MRPS6: variants seen among roughly 807,000 people sequenced by gnomAD.
MRPS6 encodes the protein small ribosomal subunit protein bS6m.
A neutral mutation model predicts 13.1 loss-of-function variants in MRPS6; 6 were observed. The observed-to-expected ratio is 0.46, with a 90% CI of 0.25 to 0.91. The LOEUF is 0.91. Ranked by LOEUF, MRPS6 falls within the 40% of genes least tolerant of loss-of-function variation. The pLI is 0.18. For synonymous variants in MRPS6, 61 were observed against 56.5 expected (o/e 1.08, Z -0.36); for missense variants, 164 against 155.6 (o/e 1.05, Z -0.29).
chr21:34,107,544 C>T (rs1441041651), intron 1 of MRPS6, among the ~76,000 whole-genome samples: 1 of 152,166 alleles, frequency 6.6e-6, no homozygotes, highest in Non-Finnish European at 1.5e-5. Flanking sequence ...TATTTCTCAT[C>T]AAACTTGAAC....
At chr21:34,140,429 C>T (rs1024212115) in intron 2 of MRPS6, among the ~76,000 whole-genome samples, 2 of 152,040 alleles carry the variant, frequency 1.3e-5, no homozygotes, top group African/African-American at 4.8e-5. Flanking sequence ...AGGCATTTTT[C>T]GAAGATTTTT....
intron 1 of MRPS6, among the ~76,000 whole-genome samples, chr21:34,077,882 T>G (rs1255074569): frequency 5.3e-5 from 8 of 152,182 alleles, no homozygotes; most frequent in Non-Finnish European, 7.3e-5. Flanking sequence ...CTTTTTTGAT[T>G]AGAACACCTG....
chr21:34,074,975 C>T (rs1989291644), intron 1 of MRPS6, among the ~76,000 whole-genome samples: 1 of 152,210 alleles, frequency 6.6e-6, no homozygotes, highest in Non-Finnish European at 1.5e-5. Flanking sequence ...TTGTGTCCCC[C>T]AGCTTGTTCT....
At chr21:34,135,842 C>T in intron 2 of MRPS6, 1 of 558,574 alleles carries the variant, frequency 1.8e-6, no homozygotes, top group Non-Finnish European at 3.4e-6. Context: ...GTGAGGGACT[C>T]CACAATGGGG....
intron 1 of MRPS6, among the ~76,000 whole-genome samples, chr21:34,109,130 C>CT (rs1005799558): frequency 3.3e-5 from 5 of 152,048 alleles, no homozygotes; most frequent in African/African-American, 1.2e-4. Context: ...TTCCTGAAAT[C>CT]TTTTTTTATA....
At chr21:34,106,919 G>A (rs1602943072) in intron 1 of MRPS6, among the ~76,000 whole-genome samples, 4 of 151,940 alleles carry the variant, frequency 2.6e-5, no homozygotes, top group South Asian at 2.1e-4. Flanking sequence ...TGTCTTTCAC[G>A]GTATTGACTT....
intron 1 of MRPS6, chr21:34,099,288 C>T (rs567855907): frequency 6.0e-6 from 6 of 1,000,076 alleles, no homozygotes; most frequent in Non-Finnish European, 7.2e-6. Context: ...TGCGACATGT[C>T]CAAGGTTATG....
In MRPS6 at chr21:34,127,124, C is replaced by A. The variant is rs116723330; in HGVS notation, c.185+1644C>A. 5.6e-3 allele frequency among the ~76,000 whole-genome samples: 853 copies of A among 152,292 alleles called. 11 individuals are homozygous for A. The highest frequency in any genetic ancestry group is 0.02 in the African/African-American group (813 of 41,554). ...AGGAATATGTTGCAGTCACTTAGTTCATTGACTTTTAAAGATTTTATTGCT... is the reference window on the plus strand; with the variant it reads ...AGGAATATGTTGCAGTCACTTAGTTAATTGACTTTTAAAGATTTTATTGCT... On this transcript the variant is annotated intron_variant, in intron 2 of 2. Coordinates refer to ENST00000399312, the MANE Select transcript of MRPS6 (RefSeq NM_032476.4).
At chr21:34,111,381 A>G (rs1188816023) in intron 1 of MRPS6, among the ~76,000 whole-genome samples, 4 of 152,208 alleles carry the variant, frequency 2.6e-5, no homozygotes, top group African/African-American at 2.4e-5. Context: ...TCTAAACTTT[A>G]AAGGATTTTC....
chr21:34,080,036 G>A (rs894209183), intron 1 of MRPS6, among the ~76,000 whole-genome samples: 11 of 152,274 alleles, frequency 7.2e-5, no homozygotes, highest in Non-Finnish European at 1.0e-4. Flanking sequence ...TAGTTGAACT[G>A]CTCATGTTGT....
intron 1 of MRPS6, among the ~76,000 whole-genome samples, chr21:34,077,441 C>T (rs1274266652): frequency 1.3e-5 from 2 of 152,132 alleles, no homozygotes; most frequent in Admixed American, 6.6e-5. Flanking sequence ...TATGAAAGCC[C>T]TGGGATAATA....
chr21:34,129,964 T>C (rs993380626), intron 2 of MRPS6, among the ~76,000 whole-genome samples: 2 of 152,222 alleles, frequency 1.3e-5, no homozygotes, highest in African/African-American at 2.4e-5. Context: ...GGTACCTCAG[T>C]TTGAAGGTGA....
At chr21:34,098,875 G>A (rs1378146958) in intron 1 of MRPS6, 6 of 999,566 alleles carry the variant, frequency 6.0e-6, no homozygotes, top group Non-Finnish European at 7.2e-6. Context: ...AATTATGTAT[G>A]TACTTTCTTT....
chr21:34,109,347 T>C (rs557925616), intron 1 of MRPS6, among the ~76,000 whole-genome samples: 5 of 152,310 alleles, frequency 3.3e-5, no homozygotes, highest in Non-Finnish European at 5.9e-5. Context: ...GCCTGGCTGT[T>C]TGTTGGGTTA....
At chr21:34,123,247 G>A (rs890242542) in intron 1 of MRPS6, 2 of 152,072 alleles carry the variant, frequency 1.3e-5, no homozygotes, top group African/African-American at 4.8e-5. Flanking sequence ...GATTTTGTTT[G>A]GTTGCCAGAA....
intron 1 of MRPS6, chr21:34,104,522 G>C: frequency 3.0e-6 from 3 of 998,330 alleles, no homozygotes; most frequent in Non-Finnish European, 3.6e-6. Context: ...TTTAGGGAAA[G>C]ACTTGGTCAA....
intron 1 of MRPS6, chr21:34,098,888 CCTT>C (rs914118988): frequency 4.0e-6 from 4 of 998,772 alleles, no homozygotes; most frequent in East Asian, 2.3e-4. Context: ...CTTTCTTTGA[CCTT>C]CTTTAATCTC....
intron 2 of MRPS6, among the ~76,000 whole-genome samples, chr21:34,134,576 T>C (rs193196432): frequency 6.6e-6 from 1 of 152,338 alleles, no homozygotes; most frequent in African/African-American, 2.4e-5. Flanking sequence ...ATGTATACAC[T>C]CACAGAATCA....
At chr21:34,095,553 G>T (rs1328699940) in intron 1 of MRPS6, 1 of 1,613,752 alleles carries the variant, frequency 6.2e-7, no homozygotes, top group Non-Finnish European at 8.5e-7. Context: ...GCGATTTGGT[G>T]GCCATAGGAT....
Sources: gnomAD v4.1 joint callset for allele counts (sites outside exome capture counted in the v4.1 genomes callset) on GRCh38, gnomAD v4.1.1 for gene constraint, MANE v1.5 for transcripts, NCBI Gene and HGNC (gene_info 2026-07-23, HGNC 2026-07-21) for gene names.